The following SMAD6 variants were observed in gnomAD, a reference collection of about 807,000 sequenced individuals.
The protein encoded by SMAD6 is MAD homolog 6.
SMAD6 carries 103 observed loss-of-function variants against 39.4 expected under a neutral mutation model. That is an observed-to-expected ratio of 2.62 (90% CI 2.23 to 3.08). SMAD6 has a LOEUF of 3.08. Among genes scored for constraint, SMAD6 ranks in the 30% most tolerant of loss-of-function variants. SMAD6 has a pLI of 0.00. For synonymous variants in SMAD6, 445 were observed against 353.3 expected (o/e 1.26, Z -2.91); for missense variants, 1,104 against 742.9 (o/e 1.49, Z -5.65).
At chr15:66,768,075 T>A (rs1403661515) in intron 3 of SMAD6, among the ~76,000 whole-genome samples, 1 of 140,046 alleles carries the variant, frequency 7.1e-6, no homozygotes, top group Non-Finnish European at 1.5e-5. Context: ...GCTCAAGCAA[T>A]CCTCCCACCT....
At position 66,703,385 on chromosome 15, in the gene SMAD6, G is replaced by T; in HGVS notation, c.127G>T (p.Ala43Ser). The change falls in exon 1 of 4, where the codon GCT becomes TCT. Residue 43 changes from alanine (A) to serine (S), a missense_variant. Physicochemically the swap from Ala to Ser is moderately conservative, Grantham distance 99 (BLOSUM62 1). Coordinates refer to ENST00000288840, the MANE Select transcript of SMAD6 (RefSeq NM_005585.5). ...GDEDGSLGSR[A>S]EPAPRAREGG... Reference sequence around the variant, plus strand: ...CGAGGATGGGAGCTTGGGCAGCCGAGCTGAGCCGGCCCCGCGGGCAAGAGA... The same window carrying T: ...CGAGGATGGGAGCTTGGGCAGCCGATCTGAGCCGGCCCCGCGGGCAAGAGA... The T allele has an allele frequency of 7.0e-7, 1 of 1,434,480 alleles. No homozygotes were observed. Among genetic ancestry groups the T allele is most frequent in the Non-Finnish European group, 9.1e-7 (1 of 1,093,572 alleles). 88.9% of individuals were successfully genotyped at this position (1,434,480 alleles called of 1,614,324 possible). A position where few individuals can be genotyped will look rare whatever the true frequency, so the allele number is the denominator to read the frequency against.
chr15:66,703,833 T>A lies in SMAD6; in HGVS notation c.575T>A (p.Leu192Gln). The A allele has an allele frequency of 7.2e-7, 1 of 1,395,748 alleles. No homozygotes were observed. Among genetic ancestry groups the A allele is most frequent in the Non-Finnish European group, 9.4e-7 (1 of 1,063,126 alleles). The allele number at this position is 1,395,748 out of a possible 1,614,324, so 86.5% of individuals were successfully genotyped here. Residue 192 changes from leucine to glutamine, a missense_variant, in exon 1 of 4, where the codon CTG (leucine) becomes CAG (glutamine). By Grantham distance (113) the Leu-to-Gln change is moderately radical (BLOSUM62 -2). Coordinates refer to ENST00000288840, the MANE Select transcript of SMAD6 (RefSeq NM_005585.5). ...AAGGAGCGCTCGCTGGACACGCTGCTGGAGGCGGTGGAGTCCCGCGGCGGC... is the reference window on the plus strand; with the variant it reads ...AAGGAGCGCTCGCTGGACACGCTGCAGGAGGCGGTGGAGTCCCGCGGCGGC... The part of the protein sequence containing the change: ...RLKERSLDTL[L>Q]EAVESRGGVP...
At chr15:66,715,562 C>T (rs377358534) in intron 2 of SMAD6, among the ~76,000 whole-genome samples, 11 of 152,196 alleles carry the variant, frequency 7.2e-5, no homozygotes, top group African/African-American at 2.2e-4. Flanking sequence ...TGTCCCTTAA[C>T]GGGGACAACA....
chr15:66,721,701 C>T (rs1893435417), intron 3 of SMAD6, among the ~76,000 whole-genome samples: 1 of 152,208 alleles, frequency 6.6e-6, no homozygotes, highest in Admixed American at 6.5e-5. Flanking sequence ...GCCTGTCACA[C>T]TGCATGTGGT....
chr15:66,728,488 CCT>C (rs1893563905), intron 3 of SMAD6, among the ~76,000 whole-genome samples: 1 of 151,918 alleles, frequency 6.6e-6, no homozygotes, highest in African/African-American at 2.4e-5. Flanking sequence ...CTCACTGCAA[CCT>C]CTGCCTCCCA....
chr15:66,715,041 T>G (rs912468528), intron 2 of SMAD6, among the ~76,000 whole-genome samples: 5 of 151,876 alleles, frequency 3.3e-5, no homozygotes, highest in Non-Finnish European at 4.4e-5. Flanking sequence ...TTTTTTTTTT[T>G]TTTTTTTTAA....
chr15:66,731,421 G>A (rs1012471799), intron 3 of SMAD6, among the ~76,000 whole-genome samples: 1 of 134,326 alleles, frequency 7.4e-6, no homozygotes, highest in Non-Finnish European at 1.5e-5. Context: ...CTGGGCAACA[G>A]AGCGAGACTC....
chr15:66,755,691 G>A (rs1595789925), intron 3 of SMAD6, among the ~76,000 whole-genome samples: 1 of 152,198 alleles, frequency 6.6e-6, no homozygotes, highest in East Asian at 1.9e-4. Flanking sequence ...CCCCTAGCTT[G>A]TCCCAGGAGT....
intron 3 of SMAD6, among the ~76,000 whole-genome samples, chr15:66,725,416 AT>A (rs1893505462): frequency 6.6e-6 from 1 of 152,162 alleles, no homozygotes; most frequent in Non-Finnish European, 1.5e-5. Context: ...CAGTTTCTAG[AT>A]TTGGAAAAAC....
intron 3 of SMAD6, among the ~76,000 whole-genome samples, chr15:66,748,968 CCGGTGCCCAGTCTAATT>C (rs2140645040): frequency 6.6e-6 from 1 of 152,284 alleles, no homozygotes; most frequent in Admixed American, 6.5e-5. Flanking sequence ...ATACACATGC[CCGGTGCCCAGTCTAATT>C]CAATTGGTTC....
rs1345020361 is a variant in SMAD6 at position 66,769,678 on chromosome 15, T to C, written c.953-11319T>C. The stretch of plus-strand genomic sequence containing the variant: ...TAATTGAGGGCAATTTTTAGGTACT[T>C]TGCTTTTATGGCTTTATATTAGGTC... On this transcript the variant is annotated intron_variant, in intron 3 of 3. Transcript: ENST00000288840. 2.6e-5 allele frequency among the ~76,000 whole-genome samples: 4 copies of C among 152,272 alleles called. No homozygotes were observed. The East Asian group carries it at 7.7e-4, about 29-fold the overall frequency.
chr15:66,757,823 G>A (rs1415002613), intron 3 of SMAD6, among the ~76,000 whole-genome samples: 3 of 152,230 alleles, frequency 2.0e-5, no homozygotes, highest in Non-Finnish European at 4.4e-5. Flanking sequence ...ACAACAGAGT[G>A]GCATGGAATG....
At chr15:66,755,535 G>A (rs1186979709) in intron 3 of SMAD6, among the ~76,000 whole-genome samples, 1 of 152,162 alleles carries the variant, frequency 6.6e-6, no homozygotes, top group Non-Finnish European at 1.5e-5. Context: ...GACTGATGGA[G>A]GGAACCCTGG....
chr15:66,704,065 C>G lies in SMAD6; in HGVS notation c.807C>G (p.Leu269=), dbSNP rs754970977. The change falls in exon 1 of 4, where the codon CTC becomes CTG. Residue 269 remains leucine, a synonymous_variant. Coordinates refer to ENST00000288840, the MANE Select transcript of SMAD6 (RefSeq NM_005585.5). ...GCAACCCCTACCACTTCAGCCGGCT[C>G]TGCGGGCCCGGTGAGCGCGCTGCGC... ...VCCNPYHFSR[L]CGPESPPPPY... The G allele has an allele frequency of 6.7e-7, 1 of 1,495,046 alleles. No homozygotes were observed. The highest frequency in any genetic ancestry group is 1.5e-5 in the African/African-American group (1 of 68,900). The allele number at this position is 1,495,046 out of a possible 1,614,324, so 92.6% of individuals were successfully genotyped here.
At chr15:66,745,656 G>T (rs906586179) in intron 3 of SMAD6, among the ~76,000 whole-genome samples, 4 of 152,224 alleles carry the variant, frequency 2.6e-5, no homozygotes, top group Non-Finnish European at 4.4e-5. Flanking sequence ...TGCTGCTTGT[G>T]CAGGGTACGT....
chr15:66,742,336 G>A (rs117090955), intron 3 of SMAD6, among the ~76,000 whole-genome samples: 2,736 of 148,158 alleles, frequency 0.018, 40 homozygotes, highest in Non-Finnish European at 0.027. Context: ...GCAACTTGGG[G>A]TACCTGGAAG....
rs1182175490 is a variant in SMAD6 at position 66,781,234 on chromosome 15, C to T, written c.1190C>T (p.Pro397Leu). 1.2e-6 allele frequency: 2 copies of T among 1,608,676 alleles called. No homozygotes were observed. Among genetic ancestry groups the T allele is most frequent in the African/African-American group, 1.3e-5 (1 of 75,032 alleles). The change falls in exon 4 of 4, where the codon CCC (proline) becomes CTC (leucine). Residue 397 changes from proline to leucine, a missense_variant. Physicochemically the swap from Pro to Leu is moderately conservative, Grantham distance 98. Coordinates refer to ENST00000288840, the MANE Select transcript of SMAD6 (RefSeq NM_005585.5). ...TTCGGCATCCTGCTCAGCAAGGAGCCCGACGGCGTGTGGGCCTACAACCGC... is the reference window on the plus strand; with the variant it reads ...TTCGGCATCCTGCTCAGCAAGGAGCTCGACGGCGTGTGGGCCTACAACCGC... ...IGFGILLSKE[P>L]DGVWAYNRGE... is the part of the protein sequence containing the mutation.
At chr15:66,728,481 A>G (rs1317047296) in intron 3 of SMAD6, among the ~76,000 whole-genome samples, 1 of 151,342 alleles carries the variant, frequency 6.6e-6, no homozygotes, top group African/African-American at 2.4e-5. Context: ...ATCTCGGCTC[A>G]CTGCAACCTC....
At chr15:66,731,066 GTAT>G (rs927980055) in intron 3 of SMAD6, among the ~76,000 whole-genome samples, 3 of 152,166 alleles carry the variant, frequency 2.0e-5, no homozygotes, top group Non-Finnish European at 4.4e-5. Flanking sequence ...TTGTGGAAGT[GTAT>G]TATTATATGA....
Sources: allele counts gnomAD v4.1 joint callset (sites outside exome capture counted in the v4.1 genomes callset), GRCh38; gene constraint gnomAD v4.1.1; transcripts MANE v1.5; gene names NCBI Gene and HGNC (gene_info 2026-07-23, HGNC 2026-07-21).